OSBPL6: variants seen among roughly 807,000 people sequenced by gnomAD.
OSBPL6 encodes the protein oxysterol-binding protein-related protein 6.
In OSBPL6, 49 loss-of-function variants were observed where a neutral mutation model predicts 125.8. That is an observed-to-expected ratio of 0.39 (90% confidence interval 0.31 to 0.49). OSBPL6 has a LOEUF of 0.49. Among genes scored for constraint, OSBPL6 ranks in the 20% least tolerant of loss-of-function variants. The pLI, the probability that OSBPL6 is intolerant of heterozygous loss-of-function variation, is 0.88. For missense variants in OSBPL6, 986 were observed against 1,135.4 expected (o/e 0.87, Z 1.89); for synonymous variants, 394 against 391.8 (o/e 1.01, Z -0.07).
At chr2:178,307,829 A>G (rs142277996) in intron 3 of OSBPL6, among the ~76,000 whole-genome samples, 243 of 152,266 alleles carry the variant, frequency 1.6e-3, no homozygotes, top group African/African-American at 5.2e-3. Flanking sequence ...GGCAAATGGT[A>G]AAGACGGATG....
At chr2:178,328,421 T>G in intron 5 of OSBPL6, 43 bp downstream of exon 5, 1 of 1,594,502 alleles carries the variant, frequency 6.3e-7, no homozygotes, top group South Asian at 1.1e-5. Context: ...TCTTCATAAA[T>G]AAAGAAGATC....
At chr2:178,303,673 A>G (rs1032046100) in intron 2 of OSBPL6, among the ~76,000 whole-genome samples, 1 of 152,200 alleles carries the variant, frequency 6.6e-6, no homozygotes, top group Non-Finnish European at 1.5e-5. Context: ...GTCTTCAGCA[A>G]TGTCTCTAAC....
At chr2:178,249,692 C>G (rs1450128060) in intron 1 of OSBPL6, among the ~76,000 whole-genome samples, 2 of 152,106 alleles carry the variant, frequency 1.3e-5, no homozygotes, top group Non-Finnish European at 1.5e-5. Context: ...TCCTTTAAGG[C>G]TCATTTCTGC....
chr2:178,228,396 G>A (rs772893001), intron 1 of OSBPL6, among the ~76,000 whole-genome samples: 52 of 152,214 alleles, frequency 3.4e-4, no homozygotes, highest in East Asian at 7.7e-4. Flanking sequence ...TGAGCCGGGT[G>A]TGGTGGCGTG....
chr2:178,201,310 C>T (rs2089247523), intron 1 of OSBPL6, among the ~76,000 whole-genome samples: 2 of 152,070 alleles, frequency 1.3e-5, no homozygotes, highest in South Asian at 4.2e-4. Flanking sequence ...AAAAAATGGC[C>T]ATTTTCCAAT....
intron 1 of OSBPL6, among the ~76,000 whole-genome samples, chr2:178,230,868 A>G: frequency 6.6e-6 from 1 of 152,192 alleles, no homozygotes; most frequent in Non-Finnish European, 1.5e-5. Context: ...AATTTCTGTC[A>G]TGGGATATTT....
intron 11 of OSBPL6, among the ~76,000 whole-genome samples, chr2:178,341,204 G>A (rs1395451012): frequency 6.6e-6 from 1 of 151,954 alleles, no homozygotes; most frequent in East Asian, 1.9e-4. Context: ...TGTGTCTGTA[G>A]TGTATGCTAT....
chr2:178,260,377 A>G (rs553416766), intron 1 of OSBPL6, among the ~76,000 whole-genome samples: 2 of 151,842 alleles, frequency 1.3e-5, no homozygotes, highest in East Asian at 3.8e-4. Context: ...ATGTATATGT[A>G]TATGTGTATG....
At chr2:178,285,305 T>A (rs1361254041) in intron 2 of OSBPL6, among the ~76,000 whole-genome samples, 184 bp downstream of exon 2, 1 of 152,160 alleles carries the variant, frequency 6.6e-6, no homozygotes, top group Non-Finnish European at 1.5e-5. Flanking sequence ...CTTTTTTTTT[T>A]AAGGATAGGA....
intron 13 of OSBPL6, among the ~76,000 whole-genome samples, chr2:178,366,483 A>G (rs1234930842): frequency 6.6e-6 from 1 of 152,178 alleles, no homozygotes; most frequent in Non-Finnish European, 1.5e-5. Context: ...GATGCCATCA[A>G]TTATTACATG....
chr2:178,316,296 A>T (rs1392149692), intron 3 of OSBPL6, among the ~76,000 whole-genome samples: 1 of 152,218 alleles, frequency 6.6e-6, no homozygotes, highest in African/African-American at 2.4e-5. Context: ...GGACCCAGTA[A>T]CTCAGCTTCT....
At chr2:178,338,005 T>C (rs1355812145) in intron 9 of OSBPL6, among the ~76,000 whole-genome samples, 4 of 149,956 alleles carry the variant, frequency 2.7e-5, no homozygotes, top group East Asian at 4.1e-4. Flanking sequence ...GCAATGGTGC[T>C]ATCTCTGCTC....
At chr2:178,379,773 T>C (rs928973533) in intron 15 of OSBPL6, among the ~76,000 whole-genome samples, 1 of 152,204 alleles carries the variant, frequency 6.6e-6, no homozygotes, top group Non-Finnish European at 1.5e-5. Context: ...CAGTAGGAAC[T>C]GTGGGAACCA....
At chr2:178,392,595 C>A in intron 23 of OSBPL6, 57 bp downstream of exon 23, 3 of 1,583,596 alleles carry the variant, frequency 1.9e-6, no homozygotes, top group Non-Finnish European at 2.6e-6. Context: ...GTAGCTCATG[C>A]CTATAATCCC....
chr2:178,275,887 G>A (rs1040994837), intron 1 of OSBPL6, among the ~76,000 whole-genome samples: 7 of 152,196 alleles, frequency 4.6e-5, no homozygotes, highest in Non-Finnish European at 8.8e-5. Context: ...AGGCAATTCA[G>A]TGAAAGAGCT....
intron 2 of OSBPL6, among the ~76,000 whole-genome samples, chr2:178,286,878 T>G (rs1407848123): frequency 6.6e-6 from 1 of 152,234 alleles, no homozygotes; most frequent in Non-Finnish European, 1.5e-5. Context: ...CCGTCAGAGT[T>G]AGACATACCT....
chr2:178,391,701 A>G (rs1695420224), intron 22 of OSBPL6, among the ~76,000 whole-genome samples: 1 of 152,254 alleles, frequency 6.6e-6, no homozygotes, highest in Non-Finnish European at 1.5e-5. Flanking sequence ...AATAAAAGAC[A>G]TCAAAAGAGT....
At chr2:178,280,450 A>G (rs1373071682) in intron 1 of OSBPL6, among the ~76,000 whole-genome samples, 2 of 152,206 alleles carry the variant, frequency 1.3e-5, no homozygotes, top group African/African-American at 4.8e-5. Flanking sequence ...TTTTTAACTC[A>G]GAGTACTCAG....
chr2:178,338,196 G>A (rs1193088608), intron 9 of OSBPL6, among the ~76,000 whole-genome samples: 3 of 151,870 alleles, frequency 2.0e-5, no homozygotes, highest in Non-Finnish European at 4.4e-5. Flanking sequence ...GCCTCCCGAC[G>A]TGCTGGGATT....
Sources: gnomAD v4.1 joint callset for allele counts (sites outside exome capture counted in the v4.1 genomes callset) on GRCh38, gnomAD v4.1.1 for gene constraint, MANE v1.5 for transcripts, NCBI Gene and HGNC (gene_info 2026-07-23, HGNC 2026-07-21) for gene names.